The following SEC22C variants were observed in gnomAD, a reference collection of about 807,000 sequenced individuals.
SEC22C encodes the protein SEC22 homolog C, vesicle trafficking protein, also known as vesicle-trafficking protein SEC22c.
SEC22C carries 29 observed loss-of-function variants against 34.7 expected under a neutral mutation model. That is an observed-to-expected ratio of 0.84 (90% CI 0.62 to 1.14). The LOEUF (loss-of-function observed/expected upper bound fraction) is 1.14. Ranked by LOEUF, SEC22C falls within the 50% of genes most tolerant of loss-of-function variation. The pLI is 0.00. For synonymous variants in SEC22C, 117 were observed against 132.8 expected, an observed-to-expected ratio of 0.88 and a Z score of 0.82; for missense variants, 337 against 369.0, an observed-to-expected ratio of 0.91 and a Z score of 0.71.
intron 1 of SEC22C, among the ~76,000 whole-genome samples, chr3:42,579,242 A>ATGTG (rs1704157717): frequency 6.6e-6 from 1 of 152,124 alleles, no homozygotes; most frequent in Non-Finnish European, 1.5e-5. Flanking sequence ...GTGCCATCAC[A>ATGTG]CTCCAGCCTG....
intron 1 of SEC22C, among the ~76,000 whole-genome samples, chr3:42,570,776 T>C (rs1160478825): frequency 2.6e-5 from 4 of 152,164 alleles, no homozygotes; most frequent in Admixed American, 6.6e-5. Context: ...CTTTCGTAAG[T>C]ATTTGAAATA....
At chr3:42,556,210 G>T (rs1029302104) in intron 5 of SEC22C, among the ~76,000 whole-genome samples, 3 of 152,172 alleles carry the variant, frequency 2.0e-5, no homozygotes, top group Admixed American at 2.0e-4. Context: ...GTCCCCATGT[G>T]ACTGTGCTAA....
chr3:42,552,890 C>A lies in SEC22C; in HGVS notation c.*358G>T. On this transcript the variant is annotated 3_prime_UTR_variant, in exon 7 of 7. Transcript: ENST00000264454. ...GTTCCTTGGAGACAACTCTCAATGA[C>A]TAAAACCAGTGTTATTGAATCAAGT... 9.5e-7 allele frequency: 1 copy of A among 1,048,854 alleles called. No homozygotes were observed. Among genetic ancestry groups the A allele is most frequent in the Non-Finnish European group, 1.1e-6 (1 of 870,232 alleles). 65.0% of individuals were successfully genotyped at this position (1,048,854 alleles called of 1,614,324 possible).
chr3:42,553,694 CT>C (rs1414181285), intron 6 of SEC22C, among the ~76,000 whole-genome samples: 2 of 152,132 alleles, frequency 1.3e-5, no homozygotes, highest in African/African-American at 2.4e-5. Flanking sequence ...CATGGCACAT[CT>C]GAAAGAAGTT....
chr3:42,585,947 C>A (rs148692279), upstream of SEC22C, among the ~76,000 whole-genome samples: 1,008 of 152,214 alleles, frequency 6.6e-3, 12 homozygotes, highest in Admixed American at 0.015. Flanking sequence ...TCAACCCCCC[C>A]TCCCCCGCTT....
At chr3:42,557,339 C>T (rs1372536395) in intron 5 of SEC22C, among the ~76,000 whole-genome samples, 1 of 152,204 alleles carries the variant, frequency 6.6e-6, no homozygotes, top group Non-Finnish European at 1.5e-5. Context: ...GTCCTTGTAG[C>T]AAATTCTCCA....
chr3:42,590,999 A>G lies in SEC22C; in HGVS notation c.-28+9961T>C, dbSNP rs1386401502. 1.5e-5 allele frequency: 23 copies of G among 1,553,496 alleles called. No individual in the cohort carries two copies. In the East Asian group the frequency reaches 5.5e-4, roughly 37 times the overall value. On this transcript the variant is annotated intron_variant, in intron 1 of 6. Coordinates refer to the SEC22C transcript ENST00000417572. ...TCCACGCGGGCGGGCGGGCGGGCGG[A>G]GAGAAGTCGGGATCCCGAGGGGCTG...
rs1702281102 is a variant in SEC22C at position 42,552,036 on chromosome 3, C to A, written c.*1212G>T. ...TCCCAAAATGACCTCCTGCGTGGTA[C>A]AAAACAAGCCAGGCTGAAATTTCGG... On this transcript the variant is annotated 3_prime_UTR_variant, in exon 7 of 7. Transcript: ENST00000264454. 2.0e-6 allele frequency: 2 copies of A among 985,280 alleles called. No homozygotes were observed. The highest frequency in any genetic ancestry group is 9.4e-5 in the South Asian group (2 of 21,292). The allele number at this position is 985,280 out of a possible 1,614,324, so 61.0% of individuals were successfully genotyped here.
chr3:42,568,784 C>A (rs1179175845), intron 2 of SEC22C, 81 bp downstream of exon 2: 2 of 1,130,668 alleles, frequency 1.8e-6, no homozygotes, highest in Non-Finnish European at 2.6e-6. Flanking sequence ...ACAATGTGAT[C>A]AGCATAAGAT....
Position 42,569,062 on chromosome 3 carries a change from T to A in SEC22C, c.-16A>T, listed in dbSNP as rs758590404. ...TCACGGACATGGTCCACAAGAGAAG[T>A]CATGAGGACACCTGAGGAAAGCAAG... On this transcript the variant is annotated 5_prime_UTR_variant, in exon 2 of 7. Transcript: ENST00000264454. 11 of 1,610,946 alleles carry A rather than the reference T, an allele frequency of 6.8e-6. No homozygotes were observed. In the African/African-American group the frequency reaches 8.0e-5, roughly 12 times the overall value.
chr3:42,570,583 G>A (rs1437279211), intron 1 of SEC22C, among the ~76,000 whole-genome samples: 5 of 152,028 alleles, frequency 3.3e-5, no homozygotes, highest in Admixed American at 6.6e-5. Context: ...CTTCCATTGG[G>A]GAGTAAAAAT....
chr3:42,599,868 G>A (rs1705209114), intron 1 of SEC22C, among the ~76,000 whole-genome samples: 2 of 152,076 alleles, frequency 1.3e-5, no homozygotes, highest in Non-Finnish European at 2.9e-5. Flanking sequence ...ATATCTTCAA[G>A]AACTTGAGGT....
At chr3:42,584,387 TG>T (rs1244919560), upstream of SEC22C, among the ~76,000 whole-genome samples, 1 of 152,140 alleles carries the variant, frequency 6.6e-6, no homozygotes, top group Non-Finnish European at 1.5e-5. Flanking sequence ...CCCAAGTAGC[TG>T]GGATTACAAG....
At chr3:42,569,283 AT>A (rs1703460286) in intron 1 of SEC22C, among the ~76,000 whole-genome samples, 1 of 152,052 alleles carries the variant, frequency 6.6e-6, no homozygotes, top group Non-Finnish European at 1.5e-5. Context: ...TGCAGTTGTA[AT>A]TCTCTTTTTC....
chr3:42,567,670 ATAGT>A (rs1476619460), intron 2 of SEC22C, among the ~76,000 whole-genome samples: 16 of 152,188 alleles, frequency 1.1e-4, no homozygotes, highest in African/African-American at 3.9e-4. Flanking sequence ...CCACTGTATT[ATAGT>A]TAGTTATATA....
chr3:42,598,230 A>G (rs1705090129), intron 1 of SEC22C, among the ~76,000 whole-genome samples: 1 of 152,210 alleles, frequency 6.6e-6, no homozygotes, highest in Non-Finnish European at 1.5e-5. Flanking sequence ...ATACAATGGA[A>G]TATTATTCAG....
chr3:42,600,212 C>G (rs556501411), intron 1 of SEC22C, among the ~76,000 whole-genome samples: 111 of 152,182 alleles, frequency 7.3e-4, no homozygotes, highest in African/African-American at 2.6e-3. Context: ...GGTGCCAAAG[C>G]GGGAAGGAAC....
chr3:42,553,492 GC>G (rs1702351618), intron 6 of SEC22C, 44 bp from the exon 7 acceptor site: 3 of 1,595,266 alleles, frequency 1.9e-6, no homozygotes, highest in Non-Finnish European at 2.6e-6. Context: ...AGATAAAATG[GC>G]CACTAGATCA....
chr3:42,590,946 A>G, intron 1 of SEC22C: 6 of 1,610,370 alleles, frequency 3.7e-6, no homozygotes, highest in Non-Finnish European at 5.1e-6. Context: ...GGCGGAAGTC[A>G]ATCAAGAGAC....
Sources: gnomAD v4.1 joint callset for allele counts (sites outside exome capture counted in the v4.1 genomes callset) on GRCh38, gnomAD v4.1.1 for gene constraint, MANE v1.5 for transcripts, NCBI Gene and HGNC (gene_info 2026-07-23, HGNC 2026-07-21) for gene names.